PCDHA12: variants seen among roughly 807,000 people sequenced by gnomAD.
PCDHA12 encodes protocadherin alpha 12.
A neutral mutation model predicts 60.0 loss-of-function variants in PCDHA12; 44 were observed. The ratio of observed to expected loss-of-function variants is 0.73; its 90% CI spans 0.58 to 0.94. PCDHA12 has a LOEUF of 0.94. PCDHA12 is among the 40% of genes least tolerant of loss of function. PCDHA12 has a pLI of 0.00. For missense variants in PCDHA12, 1,276 were observed against 1,239.7 expected (o/e 1.03, Z -0.44); for synonymous variants, 569 against 553.0 (o/e 1.03, Z -0.40).
intron 1 of PCDHA12, among the ~76,000 whole-genome samples, chr5:140,954,317 G>A (rs571385484): frequency 2.6e-5 from 4 of 152,292 alleles, no homozygotes; most frequent in East Asian, 3.9e-4. Context: ...GGATTGCTGC[G>A]TCAAATGGTA....
intron 1 of PCDHA12, among the ~76,000 whole-genome samples, chr5:140,936,341 A>G (rs954946684): frequency 7.2e-5 from 11 of 152,172 alleles, no homozygotes; most frequent in African/African-American, 2.7e-4. Flanking sequence ...CTCTATCTGC[A>G]TATATGGAAT....
intron 1 of PCDHA12, among the ~76,000 whole-genome samples, chr5:140,904,827 T>A (rs1554191731): frequency 2.0e-5 from 3 of 152,064 alleles, no homozygotes; most frequent in African/African-American, 7.2e-5. Context: ...AGCATTTTTT[T>A]ATATGTTTCA....
intron 1 of PCDHA12, among the ~76,000 whole-genome samples, chr5:140,906,473 A>G (rs2072671241): frequency 6.6e-6 from 1 of 152,214 alleles, no homozygotes. Flanking sequence ...TCTTAGTACA[A>G]ATGTATAAAT....
chr5:140,994,772 G>C (rs2097648880), intron 3 of PCDHA12, among the ~76,000 whole-genome samples: 2 of 152,118 alleles, frequency 1.3e-5, no homozygotes, highest in Non-Finnish European at 1.5e-5. Context: ...GAGAATTCCA[G>C]GCAAAGGAAA....
chr5:140,882,382 A>G (rs782774831), intron 1 of PCDHA12: 5 of 1,614,092 alleles, frequency 3.1e-6, no homozygotes, highest in Non-Finnish European at 4.2e-6. Context: ...TCCCCGAGGA[A>G]GCAAAACACG....
chr5:141,009,942 C>T lies in PCDHA12; in HGVS notation c.*5C>T, dbSNP rs782819309. The T allele has an allele frequency of 6.3e-7, 1 of 1,597,438 alleles. No individual in the cohort carries two copies. The highest frequency in any genetic ancestry group is 1.1e-5 in the South Asian group (1 of 87,840). ...ACTGACAACAGTGACCAGTGAGGTCCTCAAATGGAAACAAGCCACTTAGCC... is the reference window on the plus strand; with the variant it reads ...ACTGACAACAGTGACCAGTGAGGTCTTCAAATGGAAACAAGCCACTTAGCC... On this transcript the variant is annotated 3_prime_UTR_variant, in exon 4 of 4. Coordinates refer to ENST00000398631, the MANE Select transcript of PCDHA12 (RefSeq NM_018903.4).
chr5:140,878,848 G>T (rs1477391344), intron 1 of PCDHA12, among the ~76,000 whole-genome samples: 1 of 152,138 alleles, frequency 6.6e-6, no homozygotes, highest in Non-Finnish European at 1.5e-5. Context: ...GAACTTCTGG[G>T]TTCAACTGAT....
intron 3 of PCDHA12, among the ~76,000 whole-genome samples, chr5:141,006,540 A>T (rs868906531): frequency 1.6e-4 from 25 of 152,182 alleles, no homozygotes; most frequent in Admixed American, 3.3e-4. Context: ...AAAGAGAGAC[A>T]TTAAGAAATA....
intron 1 of PCDHA12, among the ~76,000 whole-genome samples, chr5:140,888,357 G>C (rs2061799918): frequency 6.6e-6 from 1 of 152,138 alleles, no homozygotes; most frequent in Non-Finnish European, 1.5e-5. Flanking sequence ...ATTGCTACTG[G>C]CATCTAATAA....
chr5:140,926,223 TAGA>T, intron 1 of PCDHA12: 1 of 152,200 alleles, frequency 6.6e-6, no homozygotes, highest in Non-Finnish European at 1.5e-5. Flanking sequence ...TCCTTAAGCC[TAGA>T]AGGTGTGGTC....
intron 2 of PCDHA12, among the ~76,000 whole-genome samples, chr5:140,979,837 C>T (rs1554241124): frequency 6.6e-6 from 1 of 152,188 alleles, no homozygotes; most frequent in Non-Finnish European, 1.5e-5. Flanking sequence ...AAGAAATAAT[C>T]TTCAAACTTA....
intron 1 of PCDHA12, among the ~76,000 whole-genome samples, chr5:140,909,836 C>T (rs2074710574): frequency 6.6e-6 from 1 of 152,176 alleles, no homozygotes; most frequent in South Asian, 2.1e-4. Flanking sequence ...ACTGGAGGAC[C>T]ACCAGGACGT....
chr5:140,907,252 A>C (rs1459023391), intron 1 of PCDHA12, among the ~76,000 whole-genome samples: 3 of 152,152 alleles, frequency 2.0e-5, no homozygotes, highest in African/African-American at 7.2e-5. Flanking sequence ...TGTAATTGTG[A>C]CTTCAAAAGG....
Position 141,010,304 on chromosome 5 carries a change from A to C in PCDHA12, c.*367A>C. 1.3e-6 allele frequency: 2 copies of C among 1,548,750 alleles called. No homozygotes were observed. Among genetic ancestry groups the C allele is most frequent in the Non-Finnish European group, 8.7e-7 (1 of 1,146,136 alleles). On this transcript the variant is annotated 3_prime_UTR_variant, in exon 4 of 4. Coordinates refer to ENST00000398631, the MANE Select transcript of PCDHA12 (RefSeq NM_018903.4). ...ATGACACTTGCAGGGCAGGCTGAAA[A>C]GTTTTGAGATTGAGCAGCTTGGGAG...
chr5:140,877,600 C>G lies in PCDHA12; in HGVS notation c.2128C>G (p.Leu710Val), dbSNP rs1554169914. 6.2e-7 allele frequency: 1 copy of G among 1,613,878 alleles called. No homozygotes were observed. Among genetic ancestry groups the G allele is most frequent in the Admixed American group, 1.7e-5 (1 of 60,024 alleles). ...LIIAICAVSS[L>V]LVLTLLLYTA... Reference sequence around the variant, plus strand: ...CATCGCCATCTGTGCGGTGTCCAGCCTGCTGGTGCTCACGCTGCTGCTGTA... The same window carrying G: ...CATCGCCATCTGTGCGGTGTCCAGCGTGCTGGTGCTCACGCTGCTGCTGTA... Residue 710 changes from leucine to valine, a missense_variant, in exon 1 of 4, where the codon CTG becomes GTG. Leu to Val is a conservative substitution (Grantham distance 32). Transcript: ENST00000398631.
chr5:140,875,752 A>G lies in PCDHA12; in HGVS notation c.280A>G (p.Lys94Glu), dbSNP rs782489258. Residue 94 changes from lysine (K) to glutamate (E), a missense_variant, in exon 1 of 4, where the codon AAG (lysine) becomes GAG (glutamate). Lys to Glu is a moderately conservative substitution (Grantham distance 56, BLOSUM62 1). Transcript: ENST00000398631. ...TGTGAATTCTCGGATCGACCGCGAGAAGCTGTGCGGGCGGAGCGCGGAGTG... is the reference window on the plus strand; with the variant it reads ...TGTGAATTCTCGGATCGACCGCGAGGAGCTGTGCGGGCGGAGCGCGGAGTG... The part of the protein sequence containing the change: ...LFVNSRIDRE[K>E]LCGRSAECSI... 53 of 1,614,084 alleles carry G rather than the reference A, an allele frequency of 3.3e-5. No homozygotes were observed. The highest frequency in any genetic ancestry group is 3.2e-4 in the African/African-American group (24 of 74,918).
chr5:140,937,259 G>T (rs1306999153), intron 1 of PCDHA12, among the ~76,000 whole-genome samples: 1 of 151,852 alleles, frequency 6.6e-6, no homozygotes, highest in African/African-American at 2.4e-5. Context: ...GGATGGTCTC[G>T]ATCTCCTGAC....
At chr5:140,879,141 G>T (rs1413837977) in intron 1 of PCDHA12, among the ~76,000 whole-genome samples, 1 of 152,192 alleles carries the variant, frequency 6.6e-6, no homozygotes, top group Non-Finnish European at 1.5e-5. Flanking sequence ...GATTGTGAAG[G>T]CAGGAAAGCT....
chr5:141,003,685 A>G (rs782131958), intron 3 of PCDHA12, among the ~76,000 whole-genome samples: 12 of 152,198 alleles, frequency 7.9e-5, no homozygotes, highest in Non-Finnish European at 1.2e-4. Flanking sequence ...TCTGATTTTA[A>G]AATATATCCC....
Sources: gnomAD v4.1 joint callset for allele counts (sites outside exome capture counted in the v4.1 genomes callset) on GRCh38, gnomAD v4.1.1 for gene constraint, MANE v1.5 for transcripts, NCBI Gene and HGNC (gene_info 2026-07-23, HGNC 2026-07-21) for gene names.